Variants in SERAC1 observed in about 807,000 individuals in gnomAD.
SERAC1 encodes protein SERAC1.
In SERAC1, 36 loss-of-function variants were observed where a neutral mutation model predicts 85.7. That is an observed-to-expected ratio of 0.42 (90% confidence interval 0.32 to 0.55). The LOEUF (loss-of-function observed/expected upper bound fraction) is 0.55, where lower values mean the gene tolerates loss of function less well. SERAC1 is among the 20% of genes least tolerant of loss of function. The probability of loss-of-function intolerance (pLI) is 0.11; values close to 1 mark genes in which losing one functional copy is unlikely to be tolerated. For synonymous variants in SERAC1, 242 were observed against 265.3 expected (o/e 0.91, Z 0.85); for missense variants, 629 against 796.2 (o/e 0.79, Z 2.53).
rs367951518 is a variant in SERAC1 at position 158,113,456 on chromosome 6, T to A, written c.1821A>T (p.Glu607Asp). ...TTTCAAAAGAGTGAATACCTGCTGA[T>A]TCCACAGGTACCACATGGAGCTTAA... Reference protein sequence around the residue: ...SMIKLHVVPVESADLGIGDLI... With the variant: ...SMIKLHVVPVDSADLGIGDLI... The change falls in exon 16 of 17, where the codon GAA becomes GAT. Residue 607 changes from glutamate to aspartate, a missense_variant. Coordinates refer to ENST00000647468, the MANE Select transcript of SERAC1 (RefSeq NM_032861.4). 3 of 1,611,814 alleles carry A rather than the reference T, an allele frequency of 1.9e-6. No individual in the cohort carries two copies. In the African/African-American group the frequency reaches 4.0e-5, roughly 22 times the overall value.
intron 1 of SERAC1, among the ~76,000 whole-genome samples, chr6:158,163,272 T>C (rs988465034): frequency 3.3e-5 from 5 of 152,236 alleles, no homozygotes; most frequent in African/African-American, 1.2e-4. Context: ...CTCAAAAAGC[T>C]GACATGTAAC....
intron 4 of SERAC1, among the ~76,000 whole-genome samples, chr6:158,150,177 T>A (rs1391766766): frequency 2.0e-5 from 3 of 152,234 alleles, no homozygotes; most frequent in Non-Finnish European, 4.4e-5. Flanking sequence ...CCAGCCTCTG[T>A]ATTGACAGCC....
In SERAC1 at chr6:158,117,459, G is replaced by C; in HGVS notation, c.1403+268C>G. 2 of 1,506,268 alleles carry C rather than the reference G, an allele frequency of 1.3e-6. No homozygotes were observed. The highest frequency in any genetic ancestry group is 2.5e-5 in the East Asian group (1 of 40,664). 93.3% of individuals were successfully genotyped at this position (1,506,268 alleles called of 1,614,324 possible). On this transcript the variant is annotated intron_variant, in intron 13 of 16. Transcript: ENST00000647468. The surrounding 1 kb of genome is among the most constrained non-coding windows in gnomAD (Gnocchi z 4.3). The stretch of plus-strand genomic sequence containing the variant: ...CTTCTGATAGAAAAGGAGACTGCTA[G>C]ACAATCCACGATCCTTCACTATTAG...
intron 6 of SERAC1, 183 bp downstream of exon 6, chr6:158,146,599 C>T (rs149713041): frequency 4.5e-4 from 240 of 531,974 alleles, no homozygotes; most frequent in African/African-American, 4.1e-3. Flanking sequence ...TTAGTAGAGA[C>T]GGGGTTTCAC....
chr6:158,133,905 T>C lies in SERAC1; in HGVS notation c.739-3419A>G, dbSNP rs141158069. ...AACCTCTAACTGATATTCTGCATAG[T>C]ATTCAGTTATGAACACAGACAATAA... On this transcript the variant is annotated intron_variant, in intron 8 of 16. Transcript: ENST00000647468. Among the ~76,000 whole-genome samples, 51 of 152,354 alleles carry C rather than the reference T, an allele frequency of 3.3e-4. 1 individual carries two copies. In the East Asian group the frequency reaches 9.1e-3, roughly 27 times the overall value.
rs1158954285 is a variant in SERAC1, at chr6:158,116,387, A to G, written c.1404-105T>C. On this transcript the variant is annotated intron_variant, in intron 13 of 16. Transcript: ENST00000647468. ...CTTTAGTCTACAGGACCAATGCTAC[A>G]TACTACATTTAGAGTAAGAAATACC... The G allele has an allele frequency of 5.9e-5, 46 of 779,994 alleles. No homozygotes were observed. The East Asian group carries it at 9.9e-4, about 17-fold the overall frequency. 48.3% of individuals were successfully genotyped at this position (779,994 alleles called of 1,614,324 possible).
chr6:158,112,705 C>T (rs947111189), intron 16 of SERAC1: 1 of 150,886 alleles, frequency 6.6e-6, no homozygotes, highest in Non-Finnish European at 1.5e-5. Flanking sequence ...GAAGGACCCA[C>T]AATGTGGCTG....
intron 10 of SERAC1, among the ~76,000 whole-genome samples, chr6:158,123,014 C>A (rs762627358): frequency 6.6e-6 from 1 of 152,084 alleles, no homozygotes; most frequent in African/African-American, 2.4e-5. Flanking sequence ...AGGCAAAAAT[C>A]TGCAGATCTG....
At chr6:158,125,570 TAAC>T (rs1784520478) in intron 10 of SERAC1, among the ~76,000 whole-genome samples, 1 of 152,046 alleles carries the variant, frequency 6.6e-6, no homozygotes, top group Non-Finnish European at 1.5e-5. Flanking sequence ...CTATTATAAA[TAAC>T]AACAATGTAA....
chr6:158,146,982 G>C lies in SERAC1; in HGVS notation c.356-69C>G. The C allele has an allele frequency of 2.0e-6, 3 of 1,505,136 alleles. No individual in the cohort carries two copies. The South Asian group carries it at 3.5e-5, about 18-fold the overall frequency. 93.2% of individuals were successfully genotyped at this position (1,505,136 alleles called of 1,614,324 possible). On this transcript the variant is annotated intron_variant, in intron 5 of 16. Coordinates refer to ENST00000647468, the MANE Select transcript of SERAC1 (RefSeq NM_032861.4). ...AATACTTTTATCTTCACTTTAAGAT[G>C]GTAATTTATAAACACTGAAATCTAC...
chr6:158,135,361 G>A (rs1043927888), intron 8 of SERAC1, among the ~76,000 whole-genome samples: 20 of 152,024 alleles, frequency 1.3e-4, no homozygotes, highest in Admixed American at 9.8e-4. Flanking sequence ...GTGACATCCC[G>A]TCTCTACTAA....
At chr6:158,123,843 G>A (rs1253102340) in intron 10 of SERAC1, among the ~76,000 whole-genome samples, 2 of 152,160 alleles carry the variant, frequency 1.3e-5, no homozygotes, top group African/African-American at 2.4e-5. Context: ...GATTGGGAGA[G>A]GATAAAGGGG....
At chr6:158,113,316 A>C in intron 16 of SERAC1, 133 bp downstream of exon 16, 1 of 711,556 alleles carries the variant, frequency 1.4e-6, no homozygotes, top group Admixed American at 2.9e-5. Context: ...GAAAAGAATA[A>C]AAGAAATCAA....
At position 158,155,361 on chromosome 6, in the gene SERAC1, A is replaced by C; in HGVS notation, c.92-10T>G. 6.7e-7 allele frequency: 1 copy of C among 1,499,046 alleles called. No homozygotes were observed. Among genetic ancestry groups the C allele is most frequent in the Non-Finnish European group, 9.3e-7 (1 of 1,078,716 alleles). 92.9% of individuals were successfully genotyped at this position (1,499,046 alleles called of 1,614,324 possible). ...AACTTTATTATATTTCCTTCAAAAGAAAAAAAGTCAATGTGATGAATTTCA... is the reference window on the plus strand; with the variant it reads ...AACTTTATTATATTTCCTTCAAAAGCAAAAAAGTCAATGTGATGAATTTCA... On this transcript the variant is annotated splice_polypyrimidine_tract_variant and intron_variant, in intron 2 of 16. Transcript: ENST00000647468.
intron 15 of SERAC1, chr6:158,114,460 T>A (rs1428046054): frequency 1.8e-6 from 2 of 1,094,624 alleles, no homozygotes; most frequent in African/African-American, 1.6e-5. Context: ...TAACAGTTGA[T>A]GATTCTCCAC....
chr6:158,159,064 G>A (rs1195784602), intron 1 of SERAC1: 1 of 151,918 alleles, frequency 6.6e-6, no homozygotes, highest in Non-Finnish European at 1.5e-5. Flanking sequence ...TTTGCTATAA[G>A]GGAAAGGAAG....
chr6:158,113,372 T>TA, intron 16 of SERAC1, 77 bp downstream of exon 16: 1 of 1,199,460 alleles, frequency 8.3e-7, no homozygotes, highest in East Asian at 2.4e-5. Context: ...AACCTGGATA[T>TA]AAAAATTGCT....
At chr6:158,115,665 CAG>C (rs1440371528) in intron 14 of SERAC1, among the ~76,000 whole-genome samples, 2 of 152,118 alleles carry the variant, frequency 1.3e-5, no homozygotes, top group South Asian at 2.1e-4. Context: ...GAGTCGCACA[CAG>C]GGGAGGCCAT....
Position 158,120,623 on chromosome 6 carries a change from G to A in SERAC1, c.1016-48C>T, listed in dbSNP as rs1364080674. On this transcript the variant is annotated intron_variant, in intron 10 of 16. Transcript: ENST00000647468. This position sits in a 1 kb window ranked among gnomAD's most constrained non-coding sequence, Gnocchi z 4.4. ...TAAATACTGATGTGAATCCATCGCA[G>A]ACCACAGAGAGAGTGAGGTTTCAAA... 2 of 1,584,186 alleles carry A rather than the reference G, an allele frequency of 1.3e-6. No homozygotes were observed. Among genetic ancestry groups the A allele is most frequent in the South Asian group, 1.1e-5 (1 of 88,032 alleles).
Sources: gnomAD v4.1 joint callset for allele counts (sites outside exome capture counted in the v4.1 genomes callset) on GRCh38, gnomAD v4.1.1 for gene constraint, Gnocchi (gnomAD v3.1) non-coding constraint, MANE v1.5 for transcripts, NCBI Gene and HGNC (gene_info 2026-07-23, HGNC 2026-07-21) for gene names.